Variants in C3orf20 observed in about 807,000 individuals in gnomAD.
C3orf20 encodes uncharacterized protein C3orf20.
A neutral mutation model predicts 88.3 loss-of-function variants in C3orf20; 76 were observed. That is an observed-to-expected ratio of 0.86 (90% confidence interval 0.72 to 1.04). The LOEUF (loss-of-function observed/expected upper bound fraction) is 1.04. C3orf20 is among the 50% of genes least tolerant of loss of function. The probability of loss-of-function intolerance (pLI) is 0.00; values close to 1 mark genes in which losing one functional copy is unlikely to be tolerated. For synonymous variants in C3orf20, 436 were observed against 437.4 expected (o/e 1.00, Z 0.04); for missense variants, 1,056 against 1,123.3 (o/e 0.94, Z 0.86).
At chr3:14,751,392 G>C (rs1402730016) in intron 12 of C3orf20, among the ~76,000 whole-genome samples, 1 of 152,218 alleles carries the variant, frequency 6.6e-6, no homozygotes, top group Non-Finnish European at 1.5e-5. Flanking sequence ...GCAGCCCCCG[G>C]AGGGCAAGCT....
At chr3:14,703,612 C>T (rs1303745489) in intron 6 of C3orf20, among the ~76,000 whole-genome samples, 1 of 152,206 alleles carries the variant, frequency 6.6e-6, no homozygotes, top group Admixed American at 6.5e-5. Flanking sequence ...TGGCTTGCCT[C>T]CTGCCCCTGC....
chr3:14,683,196 G>T lies in C3orf20; in HGVS notation c.483G>T (p.Ser161=). ...TGAAGGCCATGGTGGAGTCTATGTC[G>T]GGTAAGGCCCAGATGTTTGTGTATG... is the stretch of plus-strand genomic sequence containing the variant. ...LKMKAMVESM[S]VGANPLDITR... Residue 161 remains serine, a splice_region_variant and synonymous_variant, in exon 3 of 17, where the codon TCG becomes TCT. Coordinates refer to ENST00000253697, the MANE Select transcript of C3orf20 (RefSeq NM_032137.5). 6.4e-7 allele frequency: 1 copy of T among 1,573,374 alleles called. No homozygotes were observed. The highest frequency in any genetic ancestry group is 8.6e-7 in the Non-Finnish European group (1 of 1,159,854).
chr3:14,761,462 C>T lies in C3orf20; in HGVS notation c.2353-11C>T. 6.2e-7 allele frequency: 1 copy of T among 1,614,052 alleles called. No homozygotes were observed. The highest frequency in any genetic ancestry group is 1.1e-5 in the South Asian group (1 of 91,076). On this transcript the variant is annotated splice_polypyrimidine_tract_variant and intron_variant, in intron 14 of 16. Transcript: ENST00000253697. The stretch of plus-strand genomic sequence containing the variant: ...GCTGAGGATCTCTCCTCATTTCCTT[C>T]CTGTCAACAGATGTTTGCCGGGGGG...
At chr3:14,755,812 G>A (rs1191742697) in intron 12 of C3orf20, among the ~76,000 whole-genome samples, 6 of 152,144 alleles carry the variant, frequency 3.9e-5, no homozygotes, top group South Asian at 2.1e-4. Flanking sequence ...GGCAGATCAC[G>A]AGGTCAGGAG....
rs2035899291 is a variant in C3orf20 at position 14,772,853 on chromosome 3, A to C, written c.2693A>C (p.Lys898Thr). 1 of 1,613,948 alleles carries C rather than the reference A, an allele frequency of 6.2e-7. No individual in the cohort carries two copies. The highest frequency in any genetic ancestry group is 8.5e-7 in the Non-Finnish European group (1 of 1,179,978). ...LSRDSKITSW[K>T]KQASKK The stretch of plus-strand genomic sequence containing the variant: ...AGGGACAGCAAGATAACTAGTTGGA[A>C]GAAGCAGGCCTCCAAGAAGTAGCGC... Residue 898 changes from lysine to threonine, a missense_variant, in exon 17 of 17, where the codon AAG (lysine) becomes ACG (threonine). Coordinates refer to ENST00000253697, the MANE Select transcript of C3orf20 (RefSeq NM_032137.5). This position sits in a 1 kb window ranked among gnomAD's most constrained non-coding sequence, Gnocchi z 4.2.
chr3:14,733,605 A>G (rs1254783397), intron 12 of C3orf20, among the ~76,000 whole-genome samples: 3 of 151,770 alleles, frequency 2.0e-5, no homozygotes, highest in East Asian at 3.9e-4. Context: ...ATATAGGACT[A>G]TTCAGATTTC....
At chr3:14,729,142 C>A (rs1025522580) in intron 12 of C3orf20, among the ~76,000 whole-genome samples, 1 of 152,168 alleles carries the variant, frequency 6.6e-6, no homozygotes, top group Non-Finnish European at 1.5e-5. Flanking sequence ...GAGGGTCAGG[C>A]CTGCAAAGTC....
chr3:14,699,579 G>A (rs184343974), intron 5 of C3orf20, among the ~76,000 whole-genome samples: 31 of 152,342 alleles, frequency 2.0e-4, no homozygotes, highest in African/African-American at 7.2e-4. Flanking sequence ...GGGGCCTCAT[G>A]ACGCTAACTT....
intron 15 of C3orf20, among the ~76,000 whole-genome samples, chr3:14,769,886 A>G (rs1422392782): frequency 6.6e-6 from 1 of 152,102 alleles, no homozygotes; most frequent in Non-Finnish European, 1.5e-5. Flanking sequence ...TTCTATAGGT[A>G]TTTAGTCCTA....
At chr3:14,752,668 G>T (rs1426485509) in intron 12 of C3orf20, among the ~76,000 whole-genome samples, 1 of 152,196 alleles carries the variant, frequency 6.6e-6, no homozygotes, top group East Asian at 1.9e-4. Flanking sequence ...CCATCAAAAA[G>T]TGGGCAAAGG....
intron 1 of C3orf20, among the ~76,000 whole-genome samples, chr3:14,675,857 A>ATTTTTTTTTTTTTTTT: frequency 6.6e-6 from 1 of 151,856 alleles, no homozygotes; most frequent in African/African-American, 2.4e-5. Context: ...CGTCCAGCTA[A>ATTTTTTTTTTTTTTTT]TTTTTGTATT....
chr3:14,682,046 T>C (rs1261203650), intron 1 of C3orf20, 124 bp from the exon 2 acceptor site: 1 of 152,220 alleles, frequency 6.6e-6, no homozygotes, highest in Non-Finnish European at 1.5e-5. Context: ...TACATTCATT[T>C]TTTTCTTATA....
chr3:14,699,120 G>A (rs527963072), intron 5 of C3orf20, among the ~76,000 whole-genome samples: 4 of 152,132 alleles, frequency 2.6e-5, no homozygotes, highest in South Asian at 4.1e-4. Flanking sequence ...GGACTCTTCA[G>A]TTAGGCCTGG....
At chr3:14,742,484 A>G (rs779461053) in intron 12 of C3orf20, among the ~76,000 whole-genome samples, 6 of 152,214 alleles carry the variant, frequency 3.9e-5, no homozygotes, top group Non-Finnish European at 5.9e-5. Flanking sequence ...AAGATTGGTC[A>G]GTGGGCTTCT....
chr3:14,750,554 T>TAAAA (rs3038830), intron 12 of C3orf20, among the ~76,000 whole-genome samples: 1 of 142,492 alleles, frequency 7.0e-6, no homozygotes, highest in African/African-American at 2.6e-5. Context: ...GACCCTGTCT[T>TAAAA]AAAAAAAAAA....
intron 15 of C3orf20, 111 bp downstream of exon 15, chr3:14,761,726 A>T (rs1263961522): frequency 2.1e-3 from 976 of 466,522 alleles, no homozygotes; most frequent in Middle Eastern, 3.8e-3. Flanking sequence ...GGCTGAAGGG[A>T]TGGAGTGGGG....
At chr3:14,681,462 GC>G (rs1349396370) in intron 1 of C3orf20, among the ~76,000 whole-genome samples, 2 of 152,240 alleles carry the variant, frequency 1.3e-5, no homozygotes, top group Non-Finnish European at 2.9e-5. Context: ...TGGGCCAGCA[GC>G]CCTTCCTGGT....
intron 5 of C3orf20, among the ~76,000 whole-genome samples, chr3:14,696,688 T>A (rs898688903): frequency 7.9e-5 from 12 of 152,062 alleles, no homozygotes; most frequent in African/African-American, 2.9e-4. Context: ...GTAGCTATTA[T>A]TTTTTATGAG....
intron 1 of C3orf20, among the ~76,000 whole-genome samples, chr3:14,678,303 G>T (rs2031894144): frequency 6.6e-6 from 1 of 152,124 alleles, no homozygotes. Context: ...GTGGCCATTG[G>T]GAACATCACA....
Sources: gnomAD v4.1 joint callset for allele counts (sites outside exome capture counted in the v4.1 genomes callset) on GRCh38, gnomAD v4.1.1 for gene constraint, Gnocchi (gnomAD v3.1) non-coding constraint, MANE v1.5 for transcripts, NCBI Gene and HGNC (gene_info 2026-07-23, HGNC 2026-07-21) for gene names.